The following MUC20 variants were observed in gnomAD, a reference collection of about 807,000 sequenced individuals.
The protein encoded by MUC20 is mucin 20, cell surface associated, also known as mucin-20.
In MUC20, 14 loss-of-function variants were observed where a neutral mutation model predicts 23.8. That is an observed-to-expected ratio of 0.59 (90% CI 0.39 to 0.92). The LOEUF is 0.92. Among genes scored for constraint, MUC20 ranks in the 40% least tolerant of loss-of-function variants. The pLI, the probability that MUC20 is intolerant of heterozygous loss-of-function variation, is 0.00. For missense variants in MUC20, 375 were observed against 668.8 expected (o/e 0.56, Z 4.85); for synonymous variants, 166 against 279.3 (o/e 0.59, Z 4.04).
rs1458716253 is a variant in MUC20, at chr3:195,729,648, G to A, written c.1970G>A (p.Gly657Asp). The A allele has an allele frequency of 6.3e-7, 1 of 1,576,142 alleles. No homozygotes were observed. Among genetic ancestry groups the A allele is most frequent in the Non-Finnish European group, 8.6e-7 (1 of 1,159,308 alleles). ...RTRPTTDVSA[G>D]ENGGFLLLRL... ...TCATCTTACTGTTCTCCATTTGCAG[G>A]TGAAAATGGAGGTTTCCTCCTCCTG... The change falls in exon 3 of 4, where the codon GGT becomes GAT. Residue 657 changes from glycine to aspartate, a missense_variant and splice_region_variant. Gly to Asp is a moderately conservative substitution (Grantham distance 94). Coordinates refer to ENST00000447234, the MANE Select transcript of MUC20 (RefSeq NM_001282506.2).
At chr3:195,721,187 G>T in intron 1 of MUC20, 104 bp downstream of exon 1, 1 of 1,401,924 alleles carries the variant, frequency 7.1e-7, no homozygotes, top group Non-Finnish European at 9.5e-7. Flanking sequence ...GCTCTCTCGG[G>T]TTGATTATAA....
At chr3:195,730,415 A>G (rs59014992) in intron 3 of MUC20, among the ~76,000 whole-genome samples, 14,787 of 120,642 alleles carry the variant, frequency 0.12, 393 homozygotes, top group East Asian at 0.37. Flanking sequence ...GTGCGATCTC[A>G]GCTCACTGCA....
chr3:195,728,494 T>C (rs1418069896), intron 2 of MUC20, among the ~76,000 whole-genome samples: 3 of 152,294 alleles, frequency 2.0e-5, no homozygotes, highest in African/African-American at 7.2e-5. Context: ...GCAGCATTGC[T>C]GCAAACATGT....
chr3:195,721,242 AGT>A (rs1295561602), intron 1 of MUC20, among the ~76,000 whole-genome samples, 159 bp downstream of exon 1: 1 of 147,908 alleles, frequency 6.8e-6, no homozygotes, highest in Non-Finnish European at 1.5e-5. Context: ...GTTGATAAAG[AGT>A]GTGCAAATGA....
chr3:195,722,046 G>T, intron 1 of MUC20: 1 of 169,070 alleles, frequency 5.9e-6, no homozygotes, highest in Non-Finnish European at 1.2e-5. Context: ...AAAAGCTGCA[G>T]TGGAGAGTCT....
At chr3:195,727,997 A>G (rs62283737) in intron 2 of MUC20, among the ~76,000 whole-genome samples, 25,308 of 150,348 alleles carry the variant, frequency 0.17, 1,664 homozygotes, top group Non-Finnish European at 0.2. Flanking sequence ...CCAGCTTTGC[A>G]TATGTTATCT....
At chr3:195,723,026 C>A (rs1282884224) in intron 1 of MUC20, among the ~76,000 whole-genome samples, 1 of 137,766 alleles carries the variant, frequency 7.3e-6, no homozygotes, top group East Asian at 2.0e-4. Flanking sequence ...ACCTTCTCCG[C>A]TGGTCCTCAT....
chr3:195,730,583 C>G (rs1303794067), intron 3 of MUC20, among the ~76,000 whole-genome samples: 1 of 152,116 alleles, frequency 6.6e-6, no homozygotes, highest in Non-Finnish European at 1.5e-5. Context: ...ATCTCCTGAC[C>G]TCGTGATCCA....
chr3:195,727,566 T>G (rs1330813022), intron 2 of MUC20, among the ~76,000 whole-genome samples: 3 of 152,284 alleles, frequency 2.0e-5, no homozygotes, highest in Non-Finnish European at 4.4e-5. Flanking sequence ...TCTCTGTGTA[T>G]CCGCAGCTTG....
chr3:195,733,109 C>T (rs1160249737), intron 3 of MUC20, 41 bp from the exon 4 acceptor site: 2 of 1,558,112 alleles, frequency 1.3e-6, no homozygotes, highest in South Asian at 2.4e-5. Flanking sequence ...AGCTCATGGG[C>T]CAGATGGGCT....
intron 2 of MUC20, among the ~76,000 whole-genome samples, chr3:195,728,032 C>T (rs1560181943): frequency 6.6e-6 from 1 of 152,284 alleles, no homozygotes; most frequent in Non-Finnish European, 1.5e-5. Flanking sequence ...TCAAAACAGC[C>T]TTAGGAGGTG....
Position 195,729,781 on chromosome 3 carries a change from C to T in MUC20, c.2061+42C>T, listed in dbSNP as rs191023115. ...CGGGCCAGGGGAGTAGAGGAAGGGG[C>T]GAGGTTCGCAGGGGCTGCAGGGAAG... On this transcript the variant is annotated intron_variant, in intron 3 of 3. Coordinates refer to ENST00000447234, the MANE Select transcript of MUC20 (RefSeq NM_001282506.2). 439 of 1,546,978 alleles carry T rather than the reference C, an allele frequency of 2.8e-4. No homozygotes were observed. In the Admixed American group the frequency reaches 7.6e-3, roughly 27 times the overall value.
chr3:195,721,919 C>A, intron 1 of MUC20: 1 of 153,390 alleles, frequency 6.5e-6, no homozygotes, highest in Non-Finnish European at 1.5e-5. Flanking sequence ...CCCAGCTACT[C>A]GGGAGGCTGA....
intron 2 of MUC20, among the ~76,000 whole-genome samples, chr3:195,728,642 A>ATTT (rs1713005603): frequency 6.6e-6 from 1 of 150,672 alleles, no homozygotes; most frequent in African/African-American, 2.4e-5. Context: ...GCAAGAGGAG[A>ATTT]TCCTCTTTTA....
chr3:195,729,755 C>G lies in MUC20; in HGVS notation c.2061+16C>G. The G allele has an allele frequency of 6.3e-7, 1 of 1,581,862 alleles. No homozygotes were observed. The highest frequency in any genetic ancestry group is 1.2e-5 in the South Asian group (1 of 86,668). On this transcript the variant is annotated intron_variant, in intron 3 of 3. Coordinates refer to ENST00000447234, the MANE Select transcript of MUC20 (RefSeq NM_001282506.2). ...GATGCAGCAGGTGAGTGGGCACTTT[C>G]CGGGCCAGGGGAGTAGAGGAAGGGG...
At chr3:195,726,655 G>A (rs140019313) in intron 2 of MUC20, 83 bp downstream of exon 2, 78,163 of 1,443,530 alleles carry the variant, frequency 0.054, 279 homozygotes, top group African/African-American at 0.2. Flanking sequence ...GTGGAGAGGA[G>A]GGAAGGATCT....
chr3:195,729,837 G>T lies in MUC20; in HGVS notation c.2061+98G>T, dbSNP rs2550296. On this transcript the variant is annotated intron_variant, in intron 3 of 3. Coordinates refer to ENST00000447234, the MANE Select transcript of MUC20 (RefSeq NM_001282506.2). ...CAGGACACAGAAGAGCAGCTACCGCGCTTGGAAGGGAGTCTCGTTTCTTAC... is the reference window on the plus strand; with the variant it reads ...CAGGACACAGAAGAGCAGCTACCGCTCTTGGAAGGGAGTCTCGTTTCTTAC... The T allele has an allele frequency of 1.1e-4, 123 of 1,148,902 alleles. 1 individual carries two copies. In the African/African-American group the frequency reaches 1.7e-3, roughly 16 times the overall value. 71.2% of individuals were successfully genotyped at this position (1,148,902 alleles called of 1,614,324 possible).
chr3:195,721,398 T>G (rs1185448769), intron 1 of MUC20, among the ~76,000 whole-genome samples: 3 of 151,804 alleles, frequency 2.0e-5, no homozygotes, highest in Non-Finnish European at 2.9e-5. Flanking sequence ...GAGTTTGTCT[T>G]TATGAACGTG....
chr3:195,733,223 C>T lies in MUC20; in HGVS notation c.*5C>T. On this transcript the variant is annotated 3_prime_UTR_variant, in exon 4 of 4. Coordinates refer to ENST00000447234, the MANE Select transcript of MUC20 (RefSeq NM_001282506.2). ...CTGCGTGTCAGGAGAGGCTAACGGACATCAGCTGCAGCCAGGCATGTCCCG... is the reference window on the plus strand; with the variant it reads ...CTGCGTGTCAGGAGAGGCTAACGGATATCAGCTGCAGCCAGGCATGTCCCG... The T allele has an allele frequency of 6.3e-7, 1 of 1,585,218 alleles. No individual in the cohort carries two copies. The highest frequency in any genetic ancestry group is 8.6e-7 in the Non-Finnish European group (1 of 1,166,778).
Sources: allele counts gnomAD v4.1 joint callset (sites outside exome capture counted in the v4.1 genomes callset), GRCh38; gene constraint gnomAD v4.1.1; transcripts MANE v1.5; gene names NCBI Gene and HGNC (gene_info 2026-07-23, HGNC 2026-07-21).